The following SRRM3 variants were observed in gnomAD, a reference collection of about 807,000 sequenced individuals.
The protein encoded by SRRM3 is serine/arginine repetitive matrix 3.
Under a neutral mutation model 66.2 loss-of-function variants are expected in SRRM3, and 27 were observed. The observed-to-expected ratio is 0.41, with a 90% confidence interval of 0.30 to 0.56. The LOEUF is 0.56. Ranked by LOEUF, SRRM3 falls within the 20% of genes least tolerant of loss-of-function variation. The pLI, the probability that SRRM3 is intolerant of heterozygous loss-of-function variation, is 0.32. For synonymous variants in SRRM3, 391 were observed against 414.9 expected (o/e 0.94, Z 0.70); for missense variants, 918 against 991.9 (o/e 0.93, Z 1.00).
intron 1 of SRRM3, among the ~76,000 whole-genome samples, chr7:76,206,772 TC>T (rs1554601196): frequency 6.6e-6 from 1 of 152,078 alleles, no homozygotes; most frequent in Non-Finnish European, 1.5e-5. Context: ...GGCCTGTCCT[TC>T]TGCAGCGCTG....
At chr7:76,240,301 T>A (rs142178812) in intron 2 of SRRM3, among the ~76,000 whole-genome samples, 2 of 151,912 alleles carry the variant, frequency 1.3e-5, no homozygotes, top group African/African-American at 4.8e-5. Context: ...CTGTGTAACA[T>A]AGCAAGACTC....
chr7:76,261,436 TG>T (rs1801866109), intron 7 of SRRM3, 22 bp downstream of exon 7: 2 of 1,598,448 alleles, frequency 1.3e-6, no homozygotes, highest in African/African-American at 1.3e-5. Context: ...GCCCCCACCC[TG>T]GGGCCTCCTC....
intron 3 of SRRM3, among the ~76,000 whole-genome samples, 177 bp from the exon 4 acceptor site, chr7:76,259,729 G>C (rs571922957): frequency 6.6e-6 from 1 of 152,212 alleles, no homozygotes; most frequent in Non-Finnish European, 1.5e-5. Flanking sequence ...TGCCCCGTTG[G>C]GTTCCCCAAA....
Position 76,282,724 on chromosome 7 carries a change from C to G in SRRM3, c.1447C>G (p.Pro483Ala). The change falls in exon 13 of 15, where the codon CCA (proline) becomes GCA (alanine). Residue 483 changes from proline to alanine, a missense_variant. Coordinates refer to ENST00000611745, the MANE Select transcript of SRRM3 (RefSeq NM_001110199.3). ...GGGCGCGCACGGCCGGCGCGGCGGC[C>G]CAGAAGGGAAGAGCTCGTCGCGCAG... ...SPGAHGRRGG[P>A]EGKSSSRSPG... is the part of the protein sequence containing the mutation. 1 of 1,448,088 alleles carries G rather than the reference C, an allele frequency of 6.9e-7. No individual in the cohort carries two copies. Among genetic ancestry groups the G allele is most frequent in the Non-Finnish European group, 9.0e-7 (1 of 1,105,880 alleles). The allele number at this position is 1,448,088 out of a possible 1,614,324, so 89.7% of individuals were successfully genotyped here.
At position 76,267,245 on chromosome 7, in the gene SRRM3, C is replaced by T. The variant is rs782197448; in HGVS notation, c.831-13C>T. On this transcript the variant is annotated splice_polypyrimidine_tract_variant and intron_variant, in intron 10 of 14. Transcript: ENST00000611745. ...ACGCCGACTCCCCCATTCTTCCTGG[C>T]GCCTAACCCCAGGCTGAGCCCCAAG... The T allele has an allele frequency of 9.2e-6, 14 of 1,526,074 alleles. No individual in the cohort carries two copies. Among genetic ancestry groups the T allele is most frequent in the Admixed American group, 4.7e-5 (2 of 42,906 alleles). The allele number at this position is 1,526,074 out of a possible 1,614,324, so 94.5% of individuals were successfully genotyped here.
intron 1 of SRRM3, among the ~76,000 whole-genome samples, chr7:76,216,279 G>T (rs3960554): frequency 0.24 from 35,058 of 146,992 alleles, 4,693 homozygotes; most frequent in East Asian, 0.47. Context: ...ACTCCTGGGT[G>T]CAAGCAGTCT....
intron 10 of SRRM3, among the ~76,000 whole-genome samples, chr7:76,266,875 T>G (rs1219560307): frequency 6.6e-6 from 1 of 151,314 alleles, no homozygotes; most frequent in Non-Finnish European, 1.5e-5. Context: ...ATTTCGCCAT[T>G]TCGAACAGCC....
rs1554612134 is a variant in SRRM3, at chr7:76,282,681, C to A, written c.1404C>A (p.Ala468=). The A allele has an allele frequency of 2.1e-6, 3 of 1,428,354 alleles. No homozygotes were observed. The highest frequency in any genetic ancestry group is 2.7e-6 in the Non-Finnish European group (3 of 1,098,050). 88.5% of individuals were successfully genotyped at this position (1,428,354 alleles called of 1,614,324 possible). Residue 468 remains alanine, a synonymous_variant, in exon 13 of 15, where the codon GCC becomes GCA. Coordinates refer to ENST00000611745, the MANE Select transcript of SRRM3 (RefSeq NM_001110199.3). ...AKERPPRARP[A]STSPSPGAHG... ...AGCGGCCCCCGCGCGCGCGGCCCGC[C>A]AGCACCTCTCCGTCCCCGGGCGCGC...
intron 2 of SRRM3, among the ~76,000 whole-genome samples, chr7:76,244,639 G>C (rs1354012845): frequency 6.6e-6 from 1 of 151,402 alleles, no homozygotes; most frequent in Non-Finnish European, 1.5e-5. Context: ...TGACTCAACC[G>C]ATTGGTCCCC....
chr7:76,235,500 G>A (rs1801122670), intron 2 of SRRM3, among the ~76,000 whole-genome samples: 1 of 152,152 alleles, frequency 6.6e-6, no homozygotes, highest in Non-Finnish European at 1.5e-5. Flanking sequence ...ACCAGTTGGG[G>A]TGAAGCCATG....
chr7:76,231,174 G>A (rs1465926491), intron 1 of SRRM3, among the ~76,000 whole-genome samples: 5 of 152,144 alleles, frequency 3.3e-5, no homozygotes, highest in African/African-American at 1.2e-4. Context: ...TGGGCTTAGT[G>A]TGCAATGATT....
chr7:76,213,704 G>A (rs1375893739), intron 1 of SRRM3, among the ~76,000 whole-genome samples: 3 of 152,106 alleles, frequency 2.0e-5, no homozygotes, highest in Non-Finnish European at 2.9e-5. Context: ...GGGGTTATGA[G>A]CTCTAAGGTG....
chr7:76,265,180 T>C (rs1554609318), intron 9 of SRRM3, among the ~76,000 whole-genome samples, 184 bp from the exon 10 acceptor site: 1 of 152,102 alleles, frequency 6.6e-6, no homozygotes, highest in Non-Finnish European at 1.5e-5. Flanking sequence ...ATGGACCAGA[T>C]AGGCTCTGCA....
At chr7:76,216,961 T>C (rs902431577) in intron 1 of SRRM3, among the ~76,000 whole-genome samples, 1 of 152,140 alleles carries the variant, frequency 6.6e-6, no homozygotes, top group Non-Finnish European at 1.5e-5. Context: ...GCCAGCTTGA[T>C]TGGAGCTGAG....
At chr7:76,278,677 A>G (rs1482408552) in intron 11 of SRRM3, among the ~76,000 whole-genome samples, 3 of 152,140 alleles carry the variant, frequency 2.0e-5, no homozygotes, top group East Asian at 1.9e-4. Context: ...CTCTCCCAGG[A>G]GAGGTCTTCA....
intron 1 of SRRM3, among the ~76,000 whole-genome samples, chr7:76,204,781 T>C (rs1554600967): frequency 6.6e-6 from 1 of 152,066 alleles, no homozygotes; most frequent in East Asian, 1.9e-4. Context: ...CCTAAAATGA[T>C]GGGGTTTAAT....
chr7:76,281,443 G>T lies in SRRM3; in HGVS notation c.1011G>T (p.Lys337Asn). Residue 337 changes from lysine (K) to asparagine (N), a missense_variant and splice_region_variant, in exon 12 of 15, where the codon AAG (lysine) becomes AAT (asparagine). By Grantham distance (94) the Lys-to-Asn change is moderately conservative. Transcript: ENST00000611745. ...CTGTCTGCCTCTCTCCCCGTCAGAAGCCCAGCTCGCCCTCGCCCAGGGTCC... is the reference window on the plus strand; with the variant it reads ...CTGTCTGCCTCTCTCCCCGTCAGAATCCCAGCTCGCCCTCGCCCAGGGTCC... ...RPGSAHSPPDKPSSPSPRVRD... is the reference protein window; with the variant it reads ...RPGSAHSPPDNPSSPSPRVRD... 1 of 1,235,676 alleles carries T rather than the reference G, an allele frequency of 8.1e-7. No homozygotes were observed. The allele number at this position is 1,235,676 out of a possible 1,614,324, so 76.5% of individuals were successfully genotyped here.
At chr7:76,210,100 G>A (rs1185647617) in intron 1 of SRRM3, among the ~76,000 whole-genome samples, 1 of 152,174 alleles carries the variant, frequency 6.6e-6, no homozygotes, top group African/African-American at 2.4e-5. Flanking sequence ...GGAGGTGATG[G>A]TACCACTGAA....
At chr7:76,252,619 T>A (rs1801606635) in intron 3 of SRRM3, among the ~76,000 whole-genome samples, 1 of 151,642 alleles carries the variant, frequency 6.6e-6, no homozygotes, top group African/African-American at 2.4e-5. Flanking sequence ...GGGCCTGGCC[T>A]CATGTAATTT....
Sources: allele counts gnomAD v4.1 joint callset (sites outside exome capture counted in the v4.1 genomes callset), GRCh38; gene constraint gnomAD v4.1.1; transcripts MANE v1.5; gene names NCBI Gene and HGNC (gene_info 2026-07-23, HGNC 2026-07-21).